Variants in NRXN1 observed in about 807,000 individuals in gnomAD.
NRXN1 encodes the protein neurexin 1.
A neutral mutation model predicts 150.9 loss-of-function variants in NRXN1; 39 were observed. The ratio of observed to expected loss-of-function variants is 0.26; its 90% CI spans 0.20 to 0.34. The LOEUF is 0.34. NRXN1 is among the 10% of genes least tolerant of loss of function. The probability of loss-of-function intolerance (pLI) is 1.00; values close to 1 mark genes in which losing one functional copy is unlikely to be tolerated. For missense variants in NRXN1, 1,815 were observed against 1,949.9 expected (o/e 0.93, Z 1.30); for synonymous variants, 924 against 757.0 (o/e 1.22, Z -3.62).
intron 5 of NRXN1, among the ~76,000 whole-genome samples, chr2:50,833,939 CTA>C (rs1232101805): frequency 6.6e-6 from 1 of 152,058 alleles, no homozygotes; most frequent in Non-Finnish European, 1.5e-5. Context: ...AAGTAACTTA[CTA>C]GATACTCCAG....
chr2:50,701,088 C>A (rs1027400334), intron 5 of NRXN1, among the ~76,000 whole-genome samples: 11 of 152,272 alleles, frequency 7.2e-5, no homozygotes, highest in African/African-American at 2.4e-4. Flanking sequence ...AAAATAACTA[C>A]ATTAAAGTAG....
intron 17 of NRXN1, among the ~76,000 whole-genome samples, chr2:50,366,999 T>G (rs1005127257): frequency 6.6e-6 from 1 of 151,992 alleles, no homozygotes; most frequent in Non-Finnish European, 1.5e-5. Flanking sequence ...AAAGGATGAT[T>G]ACTTAGATGG....
chr2:50,691,412 T>G (rs573258785), intron 5 of NRXN1, among the ~76,000 whole-genome samples: 1 of 152,210 alleles, frequency 6.6e-6, no homozygotes, highest in South Asian at 2.1e-4. Flanking sequence ...GACATTTTGA[T>G]AGCAATTCAA....
At chr2:50,443,523 A>C (rs1322924012) in intron 17 of NRXN1, among the ~76,000 whole-genome samples, 1 of 152,218 alleles carries the variant, frequency 6.6e-6, no homozygotes, top group Non-Finnish European at 1.5e-5. Context: ...CATGTTACCG[A>C]GTAGAAAGGG....
Position 50,661,528 on chromosome 2 carries a change from G to C in NRXN1, c.833-37913C>G, listed in dbSNP as rs543053840. ...TAATGGCTTCCACTTTTCCTTGCTTGTGCCTTAAGGGTCCTCAGTAATTAC... is the reference window on the plus strand; with the variant it reads ...TAATGGCTTCCACTTTTCCTTGCTTCTGCCTTAAGGGTCCTCAGTAATTAC... On this transcript the variant is annotated intron_variant, in intron 5 of 22. Transcript: ENST00000401669. 1.5e-3 allele frequency among the ~76,000 whole-genome samples: 229 copies of C among 152,074 alleles called. 1 individual carries two copies. The highest frequency in any genetic ancestry group is 5.3e-3 in the African/African-American group (222 of 41,540).
At chr2:50,730,916 G>A (rs1161674118) in intron 5 of NRXN1, among the ~76,000 whole-genome samples, 6 of 151,802 alleles carry the variant, frequency 4.0e-5, no homozygotes, top group African/African-American at 1.5e-4. Context: ...CTTGTCATCC[G>A]CCTGCCTCCG....
At chr2:50,534,826 T>A (rs934537650) in intron 10 of NRXN1, among the ~76,000 whole-genome samples, 16 of 152,144 alleles carry the variant, frequency 1.1e-4, no homozygotes, top group African/African-American at 3.9e-4. Context: ...AGTAGCTTGA[T>A]TTGATTGAAA....
At chr2:50,649,516 T>C (rs1337315926) in intron 5 of NRXN1, among the ~76,000 whole-genome samples, 1 of 152,016 alleles carries the variant, frequency 6.6e-6, no homozygotes. Context: ...ATTTTCCATT[T>C]GCAGAAATGT....
At chr2:50,520,775 T>C (rs1294016514) in intron 12 of NRXN1, among the ~76,000 whole-genome samples, 1 of 151,984 alleles carries the variant, frequency 6.6e-6, no homozygotes, top group Admixed American at 6.6e-5. Context: ...TTTATTGTAC[T>C]CATCATAATG....
chr2:50,772,421 T>C, intron 5 of NRXN1, among the ~76,000 whole-genome samples: 1 of 151,712 alleles, frequency 6.6e-6, no homozygotes, highest in Admixed American at 6.6e-5. Flanking sequence ...GCATTGCCTT[T>C]CTTAAAAAAA....
chr2:50,519,235 A>C (rs2105107101), intron 12 of NRXN1, among the ~76,000 whole-genome samples: 1 of 152,096 alleles, frequency 6.6e-6, no homozygotes, highest in African/African-American at 2.4e-5. Context: ...TTATTAGCTA[A>C]ACCCTTCTTT....
At chr2:50,893,762 G>T (rs989237735) in intron 5 of NRXN1, among the ~76,000 whole-genome samples, 2 of 151,914 alleles carry the variant, frequency 1.3e-5, no homozygotes, top group Admixed American at 1.3e-4. Context: ...TCTATTTCTG[G>T]TACTATAGTT....
intron 15 of NRXN1, among the ~76,000 whole-genome samples, chr2:50,484,602 C>T (rs990920585): frequency 6.6e-6 from 1 of 152,258 alleles, no homozygotes; most frequent in South Asian, 2.1e-4. Flanking sequence ...ACTAGATTTT[C>T]CAGAGCCTAT....
chr2:50,336,100 G>A (rs1010336044), intron 17 of NRXN1, among the ~76,000 whole-genome samples: 31 of 152,146 alleles, frequency 2.0e-4, no homozygotes, highest in East Asian at 5.8e-4. Context: ...GTTAGTAGAC[G>A]CAATGAGAAT....
intron 21 of NRXN1, among the ~76,000 whole-genome samples, chr2:50,001,180 A>C (rs1440925098): frequency 3.9e-5 from 6 of 152,146 alleles, no homozygotes; most frequent in African/African-American, 9.7e-5. Context: ...AACATCTCTA[A>C]TTTCAGATTT....
intron 17 of NRXN1, among the ~76,000 whole-genome samples, chr2:50,285,562 T>C (rs1301792659): frequency 3.9e-5 from 6 of 152,200 alleles, no homozygotes; most frequent in Admixed American, 3.9e-4. Flanking sequence ...CTCCACACAG[T>C]GGTCCTGACC....
intron 5 of NRXN1, among the ~76,000 whole-genome samples, chr2:50,642,927 C>G (rs1684277263): frequency 1.3e-5 from 2 of 151,874 alleles, no homozygotes; most frequent in African/African-American, 2.4e-5. Flanking sequence ...TATTGGTTCA[C>G]TCAAGGAAAC....
chr2:50,531,596 G>A (rs75745328), intron 10 of NRXN1, among the ~76,000 whole-genome samples, 166 bp from the exon 11 acceptor site: 1,838 of 152,188 alleles, frequency 0.012, 24 homozygotes, highest in Middle Eastern at 0.051. Context: ...GCTGGAAAGA[G>A]AAGTCACAGT....
intron 21 of NRXN1, among the ~76,000 whole-genome samples, chr2:49,946,710 CTACTT>C: frequency 1.3e-5 from 2 of 152,040 alleles, no homozygotes; most frequent in South Asian, 4.1e-4. Context: ...CTAGAAAAAA[CTACTT>C]TATATTTCAT....
Sources: gnomAD v4.1 joint callset for allele counts (sites outside exome capture counted in the v4.1 genomes callset) on GRCh38, gnomAD v4.1.1 for gene constraint, MANE v1.5 for transcripts, NCBI Gene and HGNC (gene_info 2026-07-23, HGNC 2026-07-21) for gene names.